The following AP2A1 variants were observed in gnomAD, a reference collection of about 807,000 sequenced individuals.
AP2A1 encodes adaptor related protein complex 2 subunit alpha 1.
In AP2A1, 21 loss-of-function variants were observed where a neutral mutation model predicts 107.3. The ratio of observed to expected loss-of-function variants is 0.20; its 90% CI spans 0.14 to 0.28. The LOEUF (loss-of-function observed/expected upper bound fraction) is 0.28. AP2A1 is among the 10% of genes least tolerant of loss of function. The probability of loss-of-function intolerance (pLI) is 1.00; values close to 1 mark genes in which losing one functional copy is unlikely to be tolerated. For synonymous variants in AP2A1, 602 were observed against 564.8 expected, an observed-to-expected ratio of 1.07 and a Z score of -0.93; for missense variants, 873 against 1,307.7, an observed-to-expected ratio of 0.67 and a Z score of 5.13.
intron 5 of AP2A1, among the ~76,000 whole-genome samples, 194 bp from the exon 6 acceptor site, chr19:49,792,797 G>T (rs747472041): frequency 2.0e-5 from 3 of 152,134 alleles, no homozygotes; most frequent in Non-Finnish European, 4.4e-5. Flanking sequence ...ACCCAGGTCA[G>T]TGCTGGCCAT....
At position 49,770,611 on chromosome 19, in the gene AP2A1, G is replaced by T. The variant is rs186864276; in HGVS notation, c.67+3411G>T. On this transcript the variant is annotated intron_variant, in intron 1 of 22. Coordinates refer to ENST00000354293, the MANE Select transcript of AP2A1 (RefSeq NM_130787.3). ...CCCATCAACTGAGAAATAAAGTGTG[G>T]TCTATGTAGTGGAATATTACCGGGC... Among the ~76,000 whole-genome samples the T allele has an allele frequency of 3.3e-5, 5 of 152,302 alleles. No individual in the cohort carries two copies. The East Asian group carries it at 9.7e-4, about 29-fold the overall frequency.
Position 49,799,476 on chromosome 19 carries a change from C to T in AP2A1, c.1115C>T (p.Thr372Ile). ...GAAGCCGTCAAGACGCACATTGACA[C>T]CGTCATCAATGCCCTCAAGGTGTGA... ...SHEAVKTHIDTVINALKTERD... is the reference protein window; with the variant it reads ...SHEAVKTHIDIVINALKTERD... The change falls in exon 9 of 23, where the codon ACC becomes ATC. Residue 372 changes from threonine (T) to isoleucine (I), a missense_variant. Around this residue, in one of 4 missense-constraint regions of AP2A1, gnomAD observed 213 missense variants for 443.5 expected, o/e 0.48. Transcript: ENST00000354293. The T allele has an allele frequency of 6.2e-7, 1 of 1,611,574 alleles. No homozygotes were observed. The highest frequency in any genetic ancestry group is 8.5e-7 in the Non-Finnish European group (1 of 1,179,486).
chr19:49,805,568 G>A lies in AP2A1; in HGVS notation c.2460G>A (p.Val820=), dbSNP rs2073359042. The change falls in exon 19 of 23, where the codon GTG becomes GTA. Residue 820 remains valine (V), a synonymous_variant. Transcript: ENST00000354293. ...TCCTGACGCCCCCGCTGCTGTCCGT[G>A]CGCTTCCGGTGAGTCAGGTACGGCG... ...RDFLTPPLLS[V]RFRYGGAPQA... 1 of 1,577,114 alleles carries A rather than the reference G, an allele frequency of 6.3e-7. No homozygotes were observed. Among genetic ancestry groups the A allele is most frequent in the African/African-American group, 1.3e-5 (1 of 74,340 alleles).
intron 4 of AP2A1, among the ~76,000 whole-genome samples, chr19:49,790,254 C>T (rs2073125416): frequency 6.6e-6 from 1 of 152,192 alleles, no homozygotes; most frequent in African/African-American, 2.4e-5. Context: ...CCAAAGGCAG[C>T]AGTGTGGCAT....
chr19:49,781,090 A>G (rs1220103808), intron 1 of AP2A1, among the ~76,000 whole-genome samples: 1 of 152,128 alleles, frequency 6.6e-6, no homozygotes, highest in Non-Finnish European at 1.5e-5. Context: ...TGGAGGAAGC[A>G]GAGACCTGGC....
Position 49,791,806 on chromosome 19 carries a change from G to A in AP2A1, c.474-129G>A, listed in dbSNP as rs567628717. The A allele has an allele frequency of 7.0e-5, 87 of 1,242,664 alleles. No individual in the cohort carries two copies. In the African/African-American group the frequency reaches 1.1e-3, roughly 16 times the overall value. The allele number at this position is 1,242,664 out of a possible 1,614,324, so 77.0% of individuals were successfully genotyped here. ...AGGTCAGCGCCAGACTGGATCCTGC[G>A]GCCGCCTGGCTGTCTGTCCCTCTCG... On this transcript the variant is annotated intron_variant, in intron 4 of 22. Transcript: ENST00000354293.
chr19:49,775,372 T>C (rs1417460089), intron 1 of AP2A1, among the ~76,000 whole-genome samples: 1 of 152,202 alleles, frequency 6.6e-6, no homozygotes, highest in Non-Finnish European at 1.5e-5. Flanking sequence ...CTGAGTGCAG[T>C]GTCAGGATCT....
chr19:49,805,387 G>A, intron 18 of AP2A1, 66 bp from the exon 19 acceptor site: 1 of 1,463,026 alleles, frequency 6.8e-7, no homozygotes, highest in East Asian at 2.5e-5. Flanking sequence ...GAGCTCTGGG[G>A]TTCCTGACCC....
intron 18 of AP2A1, 171 bp downstream of exon 18, chr19:49,803,547 C>A: frequency 1.5e-6 from 1 of 645,458 alleles, no homozygotes; most frequent in Admixed American, 2.3e-5. Context: ...ATTCCTTCCC[C>A]CAGGACAGGG....
At chr19:49,805,606 G>A in intron 19 of AP2A1, 30 bp downstream of exon 19, 1 of 1,556,654 alleles carries the variant, frequency 6.4e-7, no homozygotes, top group Non-Finnish European at 8.7e-7. Flanking sequence ...GCCGGTGGGC[G>A]GAGCCTCCGG....
rs750193401 is a variant in AP2A1, at chr19:49,781,741, C to G, written c.68-16C>G. ...CCCCAGACCCCTCACTGCCTACCCT[C>G]CTCCTCCTCTCCCAGGTAAGAGCAA... On this transcript the variant is annotated splice_polypyrimidine_tract_variant and intron_variant, in intron 1 of 22. Coordinates refer to ENST00000354293, the MANE Select transcript of AP2A1 (RefSeq NM_130787.3). 5 of 1,575,932 alleles carry G rather than the reference C, an allele frequency of 3.2e-6. No homozygotes were observed. The highest frequency in any genetic ancestry group is 4.3e-6 in the Non-Finnish European group (5 of 1,160,338).
intron 1 of AP2A1, among the ~76,000 whole-genome samples, chr19:49,775,900 T>G (rs2084612591): frequency 6.6e-6 from 1 of 152,128 alleles, no homozygotes; most frequent in Non-Finnish European, 1.5e-5. Flanking sequence ...ACAGGATGCC[T>G]TTGCTGGTAG....
In AP2A1 at chr19:49,788,104, G is replaced by C. The variant is rs1166232655; in HGVS notation, c.474-3831G>C. On this transcript the variant is annotated intron_variant, in intron 4 of 22. Transcript: ENST00000354293. This position sits in a 1 kb window ranked among gnomAD's most constrained non-coding sequence, Gnocchi z 4.5. ...CGGGACTACAGGCACAAGCCACCAG[G>C]CCTGGCTAATATTTGAATTTTTTAT... 1.3e-5 allele frequency among the ~76,000 whole-genome samples: 2 copies of C among 152,100 alleles called. No homozygotes were observed. Among genetic ancestry groups the C allele is most frequent in the Non-Finnish European group, 2.9e-5 (2 of 68,024 alleles).
In AP2A1 at chr19:49,803,393, G is replaced by A; in HGVS notation, c.2344+17G>A. On this transcript the variant is annotated intron_variant, in intron 18 of 22. Transcript: ENST00000354293. Reference sequence around the variant, plus strand: ...TCCAGACTCATATCCTCTCAGGCCCGGCCCAGCCTCCTGCCTCTCCACGTC... The same window carrying A: ...TCCAGACTCATATCCTCTCAGGCCCAGCCCAGCCTCCTGCCTCTCCACGTC... 2 of 1,608,148 alleles carry A rather than the reference G, an allele frequency of 1.2e-6. No individual in the cohort carries two copies. Among genetic ancestry groups the A allele is most frequent in the East Asian group, 2.2e-5 (1 of 44,838 alleles).
Position 49,806,973 on chromosome 19 carries a change from C to T in AP2A1, c.*215C>T. 2 of 1,502,404 alleles carry T rather than the reference C, an allele frequency of 1.3e-6. No homozygotes were observed. Among genetic ancestry groups the T allele is most frequent in the Admixed American group, 2.0e-5 (1 of 49,950 alleles). 93.1% of individuals were successfully genotyped at this position (1,502,404 alleles called of 1,614,324 possible). On this transcript the variant is annotated 3_prime_UTR_variant, in exon 23 of 23. Coordinates refer to ENST00000354293, the MANE Select transcript of AP2A1 (RefSeq NM_130787.3). ...AGGGGGAGTCCCCCTCCCTCCCTTT[C>T]CCCCCCAAGCACAGAGGGGAGAGGG...
chr19:49,771,228 G>A lies in AP2A1; in HGVS notation c.67+4028G>A, dbSNP rs375234102. ...CATGCTTGTAGTCCCAGCTACTTGG[G>A]AGACTGAGGTAGGAGGATCATTTGA... On this transcript the variant is annotated intron_variant, in intron 1 of 22. Transcript: ENST00000354293. 5.3e-5 allele frequency among the ~76,000 whole-genome samples: 8 copies of A among 150,344 alleles called. No homozygotes were observed. The East Asian group carries it at 9.8e-4, about 18-fold the overall frequency.
intron 1 of AP2A1, among the ~76,000 whole-genome samples, chr19:49,775,121 C>T (rs1280905871): frequency 4.7e-5 from 7 of 150,286 alleles, no homozygotes; most frequent in East Asian, 2.0e-4. Context: ...CTAGCTTCTT[C>T]GGAGGCTGAG....
intron 4 of AP2A1, among the ~76,000 whole-genome samples, chr19:49,786,882 G>A (rs2084743476): frequency 6.6e-6 from 1 of 152,178 alleles, no homozygotes; most frequent in Non-Finnish European, 1.5e-5. Context: ...GAGGGGTGGT[G>A]CTCTGCCAGG....
At chr19:49,802,691 G>A in intron 15 of AP2A1, 2 of 1,275,818 alleles carry the variant, frequency 1.6e-6, no homozygotes, top group South Asian at 1.5e-5. Context: ...TCGTCAACGG[G>A]TTCCTGATGA....
Sources: gnomAD v4.1 joint callset for allele counts (sites outside exome capture counted in the v4.1 genomes callset) on GRCh38, gnomAD v4.1.1 for gene constraint, gnomAD v4.1.1 regional missense constraint, Gnocchi (gnomAD v3.1) non-coding constraint, MANE v1.5 for transcripts, NCBI Gene and HGNC (gene_info 2026-07-23, HGNC 2026-07-21) for gene names.